The following AMOTL1 variants were observed in gnomAD, a reference collection of about 807,000 sequenced individuals.
The protein encoded by AMOTL1 is angiomotin like 1, also known as angiomotin-like protein 1.
A neutral mutation model predicts 102.9 loss-of-function variants in AMOTL1; 45 were observed. The ratio of observed to expected loss-of-function variants is 0.44; its 90% CI spans 0.34 to 0.56. The LOEUF is 0.56. Among genes scored for constraint, AMOTL1 ranks in the 20% least tolerant of loss-of-function variants. The pLI, the probability that AMOTL1 is intolerant of heterozygous loss-of-function variation, is 0.01. For synonymous variants in AMOTL1, 481 were observed against 484.7 expected (o/e 0.99, Z 0.10); for missense variants, 1,114 against 1,225.6 (o/e 0.91, Z 1.36).
intron 6 of AMOTL1, among the ~76,000 whole-genome samples, 161 bp downstream of exon 6, chr11:94,831,702 C>G (rs1204122241): frequency 6.6e-6 from 1 of 152,164 alleles, no homozygotes; most frequent in Non-Finnish European, 1.5e-5. Context: ...CCTAGGTCTG[C>G]CCGAGACAAA....
chr11:94,840,669 TATATATATATATACAC>T (rs987279504), intron 6 of AMOTL1, among the ~76,000 whole-genome samples: 5 of 126,748 alleles, frequency 3.9e-5, no homozygotes, highest in African/African-American at 1.5e-4. Context: ...TATATATATA[TATATATATATATACAC>T]ACACACACAC....
chr11:94,728,940 C>A (rs1950302602), exon 2 of AMOTL1: 1 of 1,266,056 alleles, frequency 7.9e-7, no homozygotes, highest in Non-Finnish European at 1.0e-6. Context: ...TCCATTTGAT[C>A]TGAAAGCTAT....
At chr11:94,752,321 T>C (rs1321046291) in intron 3 of AMOTL1, among the ~76,000 whole-genome samples, 2 of 152,176 alleles carry the variant, frequency 1.3e-5, no homozygotes, top group Non-Finnish European at 2.9e-5. Context: ...TATTGGAATA[T>C]GGACAGAAAA....
chr11:94,832,364 A>G (rs1952090165), intron 6 of AMOTL1, among the ~76,000 whole-genome samples: 1 of 152,208 alleles, frequency 6.6e-6, no homozygotes. Flanking sequence ...GGGTCTTCTG[A>G]TGTGTGGGTT....
chr11:94,739,234 T>C (rs1017745131), intron 2 of AMOTL1, among the ~76,000 whole-genome samples: 2 of 152,154 alleles, frequency 1.3e-5, no homozygotes, highest in African/African-American at 2.4e-5. Context: ...CGATGAACCA[T>C]GAGTTCCAGA....
intron 2 of AMOTL1, among the ~76,000 whole-genome samples, chr11:94,798,586 G>A (rs1389603345): frequency 1.3e-5 from 2 of 152,138 alleles, no homozygotes; most frequent in Non-Finnish European, 2.9e-5. Context: ...GTAGATGTAT[G>A]GGTCATGAGT....
At chr11:94,868,502 G>A (rs1952927989) in intron 11 of AMOTL1, among the ~76,000 whole-genome samples, 2 of 152,194 alleles carry the variant, frequency 1.3e-5, no homozygotes, top group South Asian at 4.1e-4. Context: ...TTGAGGAAGG[G>A]GGTAAGGAGA....
chr11:94,856,664 C>T (rs980360947), intron 8 of AMOTL1, among the ~76,000 whole-genome samples: 7 of 152,356 alleles, frequency 4.6e-5, no homozygotes, highest in Middle Eastern at 6.8e-3. Flanking sequence ...ACACCACACC[C>T]TGTTCCTTCA....
intron 2 of AMOTL1, among the ~76,000 whole-genome samples, chr11:94,739,967 CTT>C (rs1172229207): frequency 5.9e-5 from 9 of 152,198 alleles, no homozygotes; most frequent in Non-Finnish European, 1.2e-4. Flanking sequence ...AGCAGTCAAT[CTT>C]TTATAGAGTA....
At chr11:94,869,869 T>G (rs902611140) in intron 12 of AMOTL1, among the ~76,000 whole-genome samples, 1 of 152,210 alleles carries the variant, frequency 6.6e-6, no homozygotes, top group African/African-American at 2.4e-5. Context: ...TACCAGGGAT[T>G]CTGGCCTCAG....
chr11:94,859,553 T>C lies in AMOTL1; in HGVS notation c.1973T>C (p.Met658Thr), dbSNP rs767859176. The C allele has an allele frequency of 1.8e-5, 29 of 1,613,068 alleles. No homozygotes were observed. In the Middle Eastern group the frequency reaches 8.2e-4, roughly 46 times the overall value. Residue 658 changes from methionine (M) to threonine (T), a missense_variant, in exon 9 of 13, where the codon ATG becomes ACG. Transcript: ENST00000433060. Reference sequence around the variant, plus strand: ...CATGGAAATGGCCAGCCAGCCAACATGCCGGAATACAATGCCCCAGCCCTC... The same window carrying C: ...CATGGAAATGGCCAGCCAGCCAACACGCCGGAATACAATGCCCCAGCCCTC... ...QKHGNGQPAN[M>T]PEYNAPALLE...
At chr11:94,770,426 A>G (rs1950930591) in intron 1 of AMOTL1, among the ~76,000 whole-genome samples, 1 of 149,988 alleles carries the variant, frequency 6.7e-6, no homozygotes, top group African/African-American at 2.5e-5. Flanking sequence ...GGCTTTATAC[A>G]GGCTCTACTT....
At chr11:94,864,985 C>T (rs1952851447) in intron 10 of AMOTL1, 125 bp downstream of exon 10, 3 of 1,333,274 alleles carry the variant, frequency 2.3e-6, no homozygotes, top group East Asian at 5.2e-5. Context: ...AACTCTCCTC[C>T]CCCATGCTGT....
intron 3 of AMOTL1, among the ~76,000 whole-genome samples, chr11:94,741,620 G>T (rs1950528608): frequency 6.6e-6 from 1 of 152,124 alleles, no homozygotes; most frequent in Non-Finnish European, 1.5e-5. Context: ...CTTGTCAAGA[G>T]ACAGGCTGAA....
chr11:94,794,964 G>A, intron 1 of AMOTL1, 47 bp from the exon 2 acceptor site: 2 of 1,551,344 alleles, frequency 1.3e-6, no homozygotes, highest in Non-Finnish European at 8.7e-7. Context: ...CAGGAAGGAA[G>A]GAGGACTTGA....
chr11:94,822,939 T>G (rs1309245673), intron 4 of AMOTL1, among the ~76,000 whole-genome samples: 1 of 152,134 alleles, frequency 6.6e-6, no homozygotes, highest in Non-Finnish European at 1.5e-5. Context: ...TAAGAGTAAG[T>G]GCGGGCTCTT....
intron 3 of AMOTL1, among the ~76,000 whole-genome samples, chr11:94,820,775 A>G (rs530423194): frequency 6.6e-6 from 1 of 152,298 alleles, no homozygotes; most frequent in Non-Finnish European, 1.5e-5. Context: ...ACAGGTTATC[A>G]GGCATTAGAT....
intron 3 of AMOTL1, among the ~76,000 whole-genome samples, chr11:94,819,437 T>C (rs1951824390): frequency 1.3e-5 from 2 of 152,210 alleles, no homozygotes. Context: ...TTAGTTCCTC[T>C]GCCCTATTTT....
chr11:94,783,833 C>A (rs1365620047), intron 1 of AMOTL1, among the ~76,000 whole-genome samples: 1 of 152,292 alleles, frequency 6.6e-6, no homozygotes, highest in East Asian at 1.9e-4. Context: ...GAATGAATGA[C>A]TGAATGGACA....
Sources: gnomAD v4.1 joint callset for allele counts (sites outside exome capture counted in the v4.1 genomes callset) on GRCh38, gnomAD v4.1.1 for gene constraint, MANE v1.5 for transcripts, NCBI Gene and HGNC (gene_info 2026-07-23, HGNC 2026-07-21) for gene names.